LRRC4C: variants seen among roughly 807,000 people sequenced by gnomAD.
The protein encoded by LRRC4C is leucine-rich repeat-containing protein 4C.
In LRRC4C, 5 loss-of-function variants were observed where a neutral mutation model predicts 33.6. The observed-to-expected ratio is 0.15, with a 90% CI of 0.08 to 0.31. LRRC4C has a LOEUF of 0.31. Ranked by LOEUF, LRRC4C falls within the 10% of genes least tolerant of loss-of-function variation. The pLI is 1.00. For synonymous variants in LRRC4C, 329 were observed against 302.0 expected, an observed-to-expected ratio of 1.09 and a Z score of -0.93; for missense variants, 560 against 796.7, an observed-to-expected ratio of 0.70 and a Z score of 3.58.
At chr11:40,329,968 C>G (rs1264331374) in intron 3 of LRRC4C, among the ~76,000 whole-genome samples, 1 of 151,978 alleles carries the variant, frequency 6.6e-6, no homozygotes, top group Non-Finnish European at 1.5e-5. Flanking sequence ...GTCTCTATCT[C>G]CTGACCTCGT....
chr11:41,075,496 C>A (rs1262971867), intron 1 of LRRC4C, among the ~76,000 whole-genome samples: 1 of 152,068 alleles, frequency 6.6e-6, no homozygotes, highest in Admixed American at 6.6e-5. Context: ...TACCTCTCCA[C>A]TCAAGGCCTT....
chr11:40,558,175 A>G (rs1168091305), intron 3 of LRRC4C, among the ~76,000 whole-genome samples: 1 of 152,260 alleles, frequency 6.6e-6, no homozygotes, highest in Admixed American at 6.5e-5. Flanking sequence ...TAAAGAGCAT[A>G]CAATTTATGA....
intron 1 of LRRC4C, among the ~76,000 whole-genome samples, chr11:41,397,821 G>A (rs1296176688): frequency 1.3e-5 from 2 of 151,892 alleles, no homozygotes; most frequent in Non-Finnish European, 2.9e-5. Context: ...GTAGTGATAT[G>A]TTCATGGCAA....
At chr11:40,602,001 C>T (rs1960048499) in intron 3 of LRRC4C, among the ~76,000 whole-genome samples, 2 of 150,524 alleles carry the variant, frequency 1.3e-5, no homozygotes, top group Admixed American at 6.7e-5. Context: ...CCATCCTGGC[C>T]AACATGGTGA....
intron 1 of LRRC4C, among the ~76,000 whole-genome samples, chr11:41,215,487 CAAA>C (rs764578889): frequency 3.1e-5 from 2 of 64,348 alleles, no homozygotes; most frequent in South Asian, 5.7e-4. Flanking sequence ...AATTCCATCT[CAAA>C]AAAAAAAAAA....
In LRRC4C at chr11:40,279,485, A is replaced by C. The variant is rs556209756; in HGVS notation, c.-175-37887T>G. Among the ~76,000 whole-genome samples, 122 of 152,302 alleles carry C rather than the reference A, an allele frequency of 8.0e-4. 1 individual carries two copies. In the South Asian group the frequency reaches 0.012, roughly 14 times the overall value. ...ATTACTTTTAACACCTTTCTTCTGG[A>C]GGCATATGCTTAGTAATTATTTTAC... On this transcript the variant is annotated intron_variant, in intron 4 of 6. Coordinates refer to ENST00000528697, the MANE Select transcript of LRRC4C (RefSeq NM_001258419.2).
chr11:40,757,430 A>T (rs542466445), intron 2 of LRRC4C, among the ~76,000 whole-genome samples: 1 of 152,190 alleles, frequency 6.6e-6, no homozygotes, highest in South Asian at 2.1e-4. Flanking sequence ...TACATTGCTC[A>T]GTGAATCTAT....
At chr11:40,376,245 G>A (rs1352352901) in intron 3 of LRRC4C, among the ~76,000 whole-genome samples, 1 of 152,082 alleles carries the variant, frequency 6.6e-6, no homozygotes, top group East Asian at 1.9e-4. Flanking sequence ...AACCCCTCTT[G>A]TCAGACATTC....
chr11:40,199,302 C>T (rs1030586601), intron 5 of LRRC4C, among the ~76,000 whole-genome samples: 3 of 152,138 alleles, frequency 2.0e-5, no homozygotes, highest in Non-Finnish European at 4.4e-5. Context: ...AACTCCTGAC[C>T]TCAAGTGATC....
chr11:40,870,268 A>G (rs1467965298), intron 2 of LRRC4C, among the ~76,000 whole-genome samples: 2 of 152,160 alleles, frequency 1.3e-5, no homozygotes, highest in Non-Finnish European at 2.9e-5. Flanking sequence ...TTCTCATTAT[A>G]ACTTATCAAT....
chr11:40,513,020 C>T (rs889032058), intron 3 of LRRC4C, among the ~76,000 whole-genome samples: 9 of 152,048 alleles, frequency 5.9e-5, no homozygotes, highest in Admixed American at 1.3e-4. Context: ...GAGGCCGAGG[C>T]GGGCAGATCA....
At chr11:40,584,640 T>C (rs1276432872) in intron 3 of LRRC4C, among the ~76,000 whole-genome samples, 5 of 151,846 alleles carry the variant, frequency 3.3e-5, no homozygotes, top group South Asian at 2.1e-4. Flanking sequence ...GGCAGAAACA[T>C]GAAAGAAGAG....
At chr11:41,062,417 G>A (rs192820738) in intron 1 of LRRC4C, among the ~76,000 whole-genome samples, 65 of 152,192 alleles carry the variant, frequency 4.3e-4, no homozygotes, top group African/African-American at 1.5e-3. Flanking sequence ...ACTCCACCTG[G>A]CTTATTACCT....
At chr11:40,912,618 C>A (rs1956753553) in intron 2 of LRRC4C, among the ~76,000 whole-genome samples, 1 of 152,146 alleles carries the variant, frequency 6.6e-6, no homozygotes, top group Non-Finnish European at 1.5e-5. Flanking sequence ...ACCATCAAGG[C>A]TAGGAAGAAA....
intron 2 of LRRC4C, among the ~76,000 whole-genome samples, chr11:40,783,327 G>A (rs4418803): frequency 5.3e-5 from 8 of 151,538 alleles, no homozygotes; most frequent in Admixed American, 2.6e-4. Flanking sequence ...ACAGAGTCTT[G>A]CTCCGTCACC....
chr11:40,234,790 A>G (rs1267903116), intron 5 of LRRC4C, among the ~76,000 whole-genome samples: 1 of 152,120 alleles, frequency 6.6e-6, no homozygotes, highest in African/African-American at 2.4e-5. Flanking sequence ...AAAAAACCTT[A>G]CTTGTAGGGG....
In LRRC4C at chr11:41,067,770, T is replaced by G. The variant is rs1000431224; in HGVS notation, c.-495-134047A>C. 1.3e-5 allele frequency among the ~76,000 whole-genome samples: 2 copies of G among 152,240 alleles called. 1 individual carries two copies. The highest frequency in any genetic ancestry group is 4.8e-5 in the African/African-American group (2 of 41,546). On this transcript the variant is annotated intron_variant, in intron 1 of 6. Coordinates refer to ENST00000528697, the MANE Select transcript of LRRC4C (RefSeq NM_001258419.2). ...AGAAACTCACTTAAAACCACACAAC[T>G]ACGTGGAAATTGAACAACTTGCTCC...
chr11:40,758,571 G>A (rs968149141), intron 2 of LRRC4C, among the ~76,000 whole-genome samples: 1 of 151,976 alleles, frequency 6.6e-6, no homozygotes. Context: ...TTAGTAATGA[G>A]TGTTTTGCAA....
intron 1 of LRRC4C, among the ~76,000 whole-genome samples, chr11:41,025,520 A>G (rs926393528): frequency 1.4e-5 from 1 of 69,714 alleles, no homozygotes; most frequent in Non-Finnish European, 3.5e-5. Flanking sequence ...GCCTGAAGGT[A>G]AAAAAAAAGA....
Sources: allele counts gnomAD v4.1 joint callset (sites outside exome capture counted in the v4.1 genomes callset), GRCh38; gene constraint gnomAD v4.1.1; transcripts MANE v1.5; gene names NCBI Gene and HGNC (gene_info 2026-07-23, HGNC 2026-07-21).